DST: variants seen among roughly 807,000 people sequenced by gnomAD.
DST encodes dystonin.
A neutral mutation model predicts 875.2 loss-of-function variants in DST; 253 were observed. The observed-to-expected ratio is 0.29, with a 90% CI of 0.26 to 0.32. The LOEUF is 0.32. DST is among the 10% of genes least tolerant of loss of function. The pLI is 1.00. For synonymous variants in DST, 3,124 were observed against 3,197.1 expected (o/e 0.98, Z 0.77); for missense variants, 8,287 against 9,111.6 (o/e 0.91, Z 3.68).
In DST at chr6:56,606,214, T is replaced by G; in HGVS notation, c.8414A>C (p.Asp2805Ala). Residue 2805 changes from aspartate to alanine, a missense_variant, in exon 40 of 104, where the codon GAT becomes GCT. Coordinates refer to ENST00000680361, the MANE Select transcript of DST (RefSeq NM_001374736.1). ...ATCAATGCCATCATCATCATCGTCA[T>G]CCTGATCATTACTGTCATATATATA... The part of the protein sequence containing the change: ...GDYIYDSNDQ[D>A]DDDDDGIDEE... 6.4e-7 allele frequency: 1 copy of G among 1,571,424 alleles called. No homozygotes were observed. Among genetic ancestry groups the G allele is most frequent in the Non-Finnish European group, 8.6e-7 (1 of 1,156,248 alleles).
At chr6:56,586,351 TG>T in intron 49 of DST, among the ~76,000 whole-genome samples, 1 of 151,966 alleles carries the variant, frequency 6.6e-6, no homozygotes, top group African/African-American at 2.4e-5. Context: ...CATTATGTAA[TG>T]GCCTTCTTTG....
In DST at chr6:56,603,035, GA is replaced by G. The variant is rs552220257; in HGVS notation, c.11158-5del. The G allele has an allele frequency of 3.4e-5, 52 of 1,551,876 alleles. No homozygotes were observed. The highest frequency in any genetic ancestry group is 6.5e-5 in the Admixed American group (3 of 46,234). On this transcript the variant is annotated splice_polypyrimidine_tract_variant and splice_region_variant and intron_variant, in intron 42 of 103. Transcript: ENST00000680361. ...CATGGGAAACTGCTAGTTTAGACTA[GA>G]AAAAAAAATTGTGCATTCAGTTATC...
In DST at chr6:56,738,632, T is replaced by C. The variant is rs2099535221; in HGVS notation, c.626-3343A>G. Among the ~76,000 whole-genome samples the C allele has an allele frequency of 2.0e-5, 3 of 152,034 alleles. No homozygotes were observed. In the South Asian group the frequency reaches 6.2e-4, roughly 32 times the overall value. Reference sequence around the variant, plus strand: ...ACCGAGTCTGGCCTGGTTTTATCTTTGTTTTGTTTGAGACAGTCTCGCTCT... The same window carrying C: ...ACCGAGTCTGGCCTGGTTTTATCTTCGTTTTGTTTGAGACAGTCTCGCTCT... On this transcript the variant is annotated intron_variant, in intron 4 of 103. Coordinates refer to ENST00000680361, the MANE Select transcript of DST (RefSeq NM_001374736.1).
intron 4 of DST, among the ~76,000 whole-genome samples, chr6:56,841,276 C>G (rs1562123229): frequency 6.6e-6 from 1 of 152,226 alleles, no homozygotes; most frequent in Non-Finnish European, 1.5e-5. Context: ...GCCCAATACT[C>G]TTACTTTCCT....
intron 2 of DST, among the ~76,000 whole-genome samples, chr6:56,931,452 G>A (rs1032992472): frequency 1.3e-5 from 2 of 152,224 alleles, no homozygotes; most frequent in Non-Finnish European, 2.9e-5. Flanking sequence ...CCCCCACATA[G>A]AGTCCCTACT....
intron 4 of DST, among the ~76,000 whole-genome samples, chr6:56,754,535 C>T (rs1207914666): frequency 6.6e-6 from 1 of 152,012 alleles, no homozygotes; most frequent in Non-Finnish European, 1.5e-5. Context: ...CACATGGCAA[C>T]CTCATAAATA....
At chr6:56,650,620 C>T (rs900181160) in intron 12 of DST, among the ~76,000 whole-genome samples, 2 of 152,022 alleles carry the variant, frequency 1.3e-5, no homozygotes, top group African/African-American at 4.8e-5. Context: ...CAATGTAAAA[C>T]GGCAGCCAGC....
chr6:56,551,915 T>C (rs192335450), intron 61 of DST, among the ~76,000 whole-genome samples: 1 of 152,198 alleles, frequency 6.6e-6, no homozygotes, highest in Non-Finnish European at 1.5e-5. Context: ...ATGGACCCTA[T>C]GATGTCAGTT....
At chr6:56,752,960 T>C (rs1227041694) in intron 4 of DST, among the ~76,000 whole-genome samples, 1 of 151,996 alleles carries the variant, frequency 6.6e-6, no homozygotes, top group Non-Finnish European at 1.5e-5. Flanking sequence ...CCTGGCTAAT[T>C]TTGTATTTTT....
intron 5 of DST, among the ~76,000 whole-genome samples, chr6:56,709,921 G>T (rs2099356186): frequency 6.6e-6 from 1 of 152,260 alleles, no homozygotes; most frequent in Admixed American, 6.5e-5. Context: ...CATATGAGTT[G>T]CAAGGAAGGA....
chr6:56,583,914 G>A (rs1356479097), intron 49 of DST, among the ~76,000 whole-genome samples: 1 of 152,056 alleles, frequency 6.6e-6, no homozygotes, highest in Non-Finnish European at 1.5e-5. Context: ...GATACGCGGT[G>A]TTATTTCTGA....
intron 4 of DST, among the ~76,000 whole-genome samples, chr6:56,832,145 A>G (rs2099787877): frequency 1.3e-5 from 2 of 152,204 alleles, no homozygotes; most frequent in South Asian, 4.1e-4. Flanking sequence ...TCAAAGAAAA[A>G]GTATAAAGAC....
chr6:56,832,416 T>A (rs902767615), intron 4 of DST, among the ~76,000 whole-genome samples: 6 of 152,172 alleles, frequency 3.9e-5, no homozygotes, highest in Admixed American at 2.0e-4. Context: ...TTTCTCTTTG[T>A]CTGCTGCCAT....
intron 10 of DST, among the ~76,000 whole-genome samples, chr6:56,654,973 C>A (rs2098998419): frequency 6.6e-6 from 1 of 151,732 alleles, no homozygotes; most frequent in Admixed American, 6.6e-5. Context: ...CCAGCCTGGC[C>A]AATATGGTGA....
At chr6:56,485,876 A>T (rs1420457449) in intron 87 of DST, among the ~76,000 whole-genome samples, 1 of 152,158 alleles carries the variant, frequency 6.6e-6, no homozygotes, top group East Asian at 1.9e-4. Flanking sequence ...AAGATCCAGA[A>T]CAGTTCAACC....
rs199794737 is a variant in DST at position 56,614,309 on chromosome 6, C to T, written c.5058+47G>A. On this transcript the variant is annotated intron_variant, in intron 37 of 103. Coordinates refer to ENST00000680361, the MANE Select transcript of DST (RefSeq NM_001374736.1). ...AGGTAAACTGTGTCAACTCAGTTAACGTCCCTGCTATTATTATTATTATTA... is the reference window on the plus strand; with the variant it reads ...AGGTAAACTGTGTCAACTCAGTTAATGTCCCTGCTATTATTATTATTATTA... 864 of 1,517,414 alleles carry T rather than the reference C, an allele frequency of 5.7e-4. 8 individuals carry two copies. The highest frequency in any genetic ancestry group is 4.2e-5 in the Non-Finnish European group (48 of 1,129,518). 94.0% of individuals were successfully genotyped at this position (1,517,414 alleles called of 1,614,324 possible). A position where few individuals can be genotyped will look rare whatever the true frequency, so the allele number is the denominator to read the frequency against.
chr6:56,871,147 G>T, intron 3 of DST: 2 of 655,114 alleles, frequency 3.1e-6, no homozygotes, highest in East Asian at 2.7e-5. Flanking sequence ...AAAATGTGTG[G>T]GGCTCTTCCT....
intron 9 of DST, chr6:56,693,406 A>G: frequency 9.2e-7 from 1 of 1,092,622 alleles, no homozygotes; most frequent in Non-Finnish European, 1.1e-6. Context: ...TTAGACAAAC[A>G]TTACTGCTCA....
At chr6:56,933,709 T>C (rs1337936212) in intron 2 of DST, among the ~76,000 whole-genome samples, 10 of 151,848 alleles carry the variant, frequency 6.6e-5, no homozygotes, top group Non-Finnish European at 1.5e-4. Context: ...CAGAATGGGG[T>C]AGGGAACCAA....
Sources: gnomAD v4.1 joint callset for allele counts (sites outside exome capture counted in the v4.1 genomes callset) on GRCh38, gnomAD v4.1.1 for gene constraint, MANE v1.5 for transcripts, NCBI Gene and HGNC (gene_info 2026-07-23, HGNC 2026-07-21) for gene names.